Variants in SEMA3C observed in about 807,000 individuals in gnomAD.
SEMA3C encodes the protein semaphorin-3C.
Under a neutral mutation model 89.4 loss-of-function variants are expected in SEMA3C, and 47 were observed. The ratio of observed to expected loss-of-function variants is 0.53; its 90% CI spans 0.42 to 0.67. The LOEUF (loss-of-function observed/expected upper bound fraction) is 0.67. Among genes scored for constraint, SEMA3C ranks in the 30% least tolerant of loss-of-function variants. SEMA3C has a pLI of 0.00. For synonymous variants in SEMA3C, 310 were observed against 320.2 expected (o/e 0.97, Z 0.34); for missense variants, 839 against 929.1 (o/e 0.90, Z 1.26).
chr7:80,761,796 T>C lies in SEMA3C; in HGVS notation c.1444-139A>G, dbSNP rs1053370273. On this transcript the variant is annotated intron_variant, in intron 13 of 17. Transcript: ENST00000265361. ...ATCTACTTTAAAATTACTTGTTATATAAAATACATTTGCATATACTTGTCT... is the reference window on the plus strand; with the variant it reads ...ATCTACTTTAAAATTACTTGTTATACAAAATACATTTGCATATACTTGTCT... 1.9e-5 allele frequency: 10 copies of C among 527,638 alleles called. No individual in the cohort carries two copies. In the African/African-American group the frequency reaches 2.0e-4, roughly 11 times the overall value. The allele number at this position is 527,638 out of a possible 1,614,324, so 32.7% of individuals were successfully genotyped here. A position where few individuals can be genotyped will look rare whatever the true frequency, so the allele number is the denominator to read the frequency against.
intron 2 of SEMA3C, among the ~76,000 whole-genome samples, chr7:80,874,530 G>A (rs917936758): frequency 4.0e-5 from 6 of 151,648 alleles, no homozygotes; most frequent in African/African-American, 1.5e-4. Context: ...GCAATGGCAC[G>A]ATCTTGGCTC....
chr7:80,809,744 A>T (rs1015243370), intron 6 of SEMA3C, among the ~76,000 whole-genome samples: 3 of 152,192 alleles, frequency 2.0e-5, no homozygotes, highest in Admixed American at 6.5e-5. Context: ...AAAACATGGT[A>T]CATATATACA....
chr7:80,798,048 T>C (rs770008433), intron 11 of SEMA3C, 44 bp downstream of exon 11: 78 of 1,562,252 alleles, frequency 5.0e-5, no homozygotes, highest in East Asian at 2.6e-4. Flanking sequence ...GTTAAATGAG[T>C]TTTTATAAAG....
At chr7:80,908,551 A>T (rs1262547696) in intron 2 of SEMA3C, among the ~76,000 whole-genome samples, 1 of 152,152 alleles carries the variant, frequency 6.6e-6, no homozygotes, top group Admixed American at 6.5e-5. Flanking sequence ...CGCTGGCTGG[A>T]AAAAAAGAAA....
intron 13 of SEMA3C, among the ~76,000 whole-genome samples, chr7:80,763,746 T>C (rs1788236657): frequency 6.6e-6 from 1 of 152,312 alleles, no homozygotes; most frequent in East Asian, 1.9e-4. Context: ...TACTCCAGAA[T>C]AAGGCACTTC....
chr7:80,756,265 C>T (rs1426709966), intron 15 of SEMA3C, among the ~76,000 whole-genome samples: 1 of 152,176 alleles, frequency 6.6e-6, no homozygotes, highest in Non-Finnish European at 1.5e-5. Context: ...TCCTCTATTT[C>T]TCTAACCTCC....
upstream of SEMA3C, among the ~76,000 whole-genome samples, chr7:80,920,454 T>C (rs1792387237): frequency 6.6e-6 from 1 of 152,168 alleles, no homozygotes; most frequent in African/African-American, 2.4e-5. Context: ...AAAATCATTG[T>C]TCAGTGGGAA....
At chr7:80,811,340 TA>T (rs1442351854) in intron 5 of SEMA3C, among the ~76,000 whole-genome samples, 5 of 151,986 alleles carry the variant, frequency 3.3e-5, no homozygotes, top group Admixed American at 6.6e-5. Context: ...AGAAAGGTAA[TA>T]AATAATTAAA....
chr7:80,805,890 G>T, intron 6 of SEMA3C, 132 bp from the exon 7 acceptor site: 1 of 514,092 alleles, frequency 1.9e-6, no homozygotes, highest in Non-Finnish European at 3.3e-6. Context: ...ATATTAATTG[G>T]TTTGCATTGT....
chr7:80,814,941 C>T (rs1303825145), intron 5 of SEMA3C, among the ~76,000 whole-genome samples: 3 of 152,144 alleles, frequency 2.0e-5, no homozygotes, highest in Admixed American at 6.5e-5. Flanking sequence ...CCCCACGCAC[C>T]GTGCCACAAA....
intron 15 of SEMA3C, among the ~76,000 whole-genome samples, chr7:80,752,166 AT>A (rs1787951066): frequency 6.6e-6 from 1 of 152,230 alleles, no homozygotes; most frequent in African/African-American, 2.4e-5. Context: ...ATATATTGAT[AT>A]TTAACAACAT....
At chr7:80,832,553 T>G (rs534393463) in intron 2 of SEMA3C, among the ~76,000 whole-genome samples, 3 of 152,294 alleles carry the variant, frequency 2.0e-5, no homozygotes, top group Middle Eastern at 3.4e-3. Context: ...GCCAGTGAAC[T>G]CTGGAGGGAG....
intron 2 of SEMA3C, among the ~76,000 whole-genome samples, chr7:80,835,843 C>T (rs142065615): frequency 1.9e-4 from 29 of 152,262 alleles, no homozygotes; most frequent in Non-Finnish European, 3.4e-4. Context: ...TAGTCCCACA[C>T]ACAAAGGAAT....
At chr7:80,857,473 C>G (rs753837698) in intron 2 of SEMA3C, among the ~76,000 whole-genome samples, 2 of 152,114 alleles carry the variant, frequency 1.3e-5, no homozygotes, top group Non-Finnish European at 2.9e-5. Context: ...TCAGCCAGGA[C>G]ATCTCAGAAT....
chr7:80,823,730 T>C (rs929898917), intron 4 of SEMA3C, among the ~76,000 whole-genome samples: 3 of 152,114 alleles, frequency 2.0e-5, no homozygotes, highest in African/African-American at 4.8e-5. Context: ...TATATATATC[T>C]AAATATATAT....
intron 15 of SEMA3C, among the ~76,000 whole-genome samples, chr7:80,757,390 G>A (rs899973825): frequency 2.6e-5 from 4 of 152,084 alleles, no homozygotes; most frequent in South Asian, 2.1e-4. Flanking sequence ...GGTACAAGTC[G>A]ATGCAGTTTC....
chr7:80,885,284 C>T (rs542089777), intron 2 of SEMA3C, among the ~76,000 whole-genome samples: 2 of 152,044 alleles, frequency 1.3e-5, no homozygotes, highest in African/African-American at 2.4e-5. Flanking sequence ...CTCTTTTATC[C>T]CTAGGTAAAT....
chr7:80,911,025 C>T (rs557099563), intron 2 of SEMA3C, among the ~76,000 whole-genome samples: 1 of 152,024 alleles, frequency 6.6e-6, no homozygotes, highest in Admixed American at 6.6e-5. Flanking sequence ...GTTACAGCAA[C>T]AAAATAAACA....
At chr7:80,848,940 C>T (rs368372812) in intron 2 of SEMA3C, among the ~76,000 whole-genome samples, 2 of 152,006 alleles carry the variant, frequency 1.3e-5, no homozygotes, top group Admixed American at 6.6e-5. Context: ...TCTTTTAAAT[C>T]GAACGCAGAC....
Sources: gnomAD v4.1 joint callset for allele counts (sites outside exome capture counted in the v4.1 genomes callset) on GRCh38, gnomAD v4.1.1 for gene constraint, MANE v1.5 for transcripts, NCBI Gene and HGNC (gene_info 2026-07-23, HGNC 2026-07-21) for gene names.